Variants in RORA observed in about 807,000 individuals in gnomAD.
RORA encodes the protein RAR related orphan receptor A.
RORA carries 7 observed loss-of-function variants against 69.5 expected under a neutral mutation model. That is an observed-to-expected ratio of 0.10 (90% CI 0.06 to 0.19). The LOEUF (loss-of-function observed/expected upper bound fraction) is 0.19, where lower values mean the gene tolerates loss of function less well. Ranked by LOEUF, RORA falls within the 10% of genes least tolerant of loss-of-function variation. The probability of loss-of-function intolerance (pLI) is 1.00; values close to 1 mark genes in which losing one functional copy is unlikely to be tolerated. For synonymous variants in RORA, 261 were observed against 240.8 expected (o/e 1.08, Z -0.78); for missense variants, 457 against 663.0 (o/e 0.69, Z 3.41).
At chr15:60,836,776 A>G (rs1055080116) in intron 1 of RORA, among the ~76,000 whole-genome samples, 2 of 152,168 alleles carry the variant, frequency 1.3e-5, no homozygotes, top group Admixed American at 6.5e-5. Context: ...GCTCATGTCC[A>G]TTAGTCACTG....
At chr15:61,029,207 A>C (rs1284596290) in intron 1 of RORA, among the ~76,000 whole-genome samples, 1 of 152,148 alleles carries the variant, frequency 6.6e-6, no homozygotes. Context: ...TATCCCAATA[A>C]ATCTATGTGA....
chr15:61,048,251 T>G (rs985650866), intron 1 of RORA, among the ~76,000 whole-genome samples: 1 of 152,228 alleles, frequency 6.6e-6, no homozygotes, highest in Non-Finnish European at 1.5e-5. Flanking sequence ...CCTGTTCTCA[T>G]GCGTAAGCCT....
chr15:60,597,840 G>A (rs1198032829), intron 2 of RORA, among the ~76,000 whole-genome samples: 2 of 150,580 alleles, frequency 1.3e-5, no homozygotes, highest in Admixed American at 6.7e-5. Context: ...CGAACATCCT[G>A]TGACTGCTTT....
At position 61,059,935 on chromosome 15, in the gene RORA, C is replaced by CAAG. The variant is rs71122900; in HGVS notation, c.166+169115_166+169117dup. 2.9e-3 allele frequency among the ~76,000 whole-genome samples: 248 copies of CAAG among 86,680 alleles called. 2 individuals carry two copies. The highest frequency in any genetic ancestry group is 0.01 in the African/African-American group (236 of 23,448). The allele number at this position is 86,680 out of a possible 152,430, so 56.9% of individuals were successfully genotyped here. A position where few individuals can be genotyped will look rare whatever the true frequency, so the allele number is the denominator to read the frequency against. On this transcript the variant is annotated intron_variant, in intron 1 of 10. Coordinates refer to ENST00000335670, the MANE Select transcript of RORA (RefSeq NM_134261.3). ...AGAAGAAGAAGAAGAAGAAGAAGAACAAGAAGAAGAAGAAGAAGAAGAAGA... is the reference window on the plus strand; with the variant it reads ...AGAAGAAGAAGAAGAAGAAGAAGAACAAGAAGAAGAAGAAGAAGAAGAAGAAGA...
chr15:60,525,455 T>C (rs962007379), intron 3 of RORA, among the ~76,000 whole-genome samples: 2 of 152,220 alleles, frequency 1.3e-5, no homozygotes, highest in African/African-American at 4.8e-5. Context: ...ATGAATTGAT[T>C]CCTACAGTTC....
chr15:60,845,928 G>A (rs2073259745), intron 1 of RORA, among the ~76,000 whole-genome samples: 3 of 152,132 alleles, frequency 2.0e-5, no homozygotes, highest in Admixed American at 2.0e-4. Flanking sequence ...TGTATTTTTA[G>A]TAGAGACGGG....
At chr15:60,843,108 G>A (rs77261425) in intron 1 of RORA, among the ~76,000 whole-genome samples, 17 of 152,186 alleles carry the variant, frequency 1.1e-4, no homozygotes, top group East Asian at 3.9e-4. Flanking sequence ...GGGTTCTGCC[G>A]CTCTCCCTCC....
intron 1 of RORA, among the ~76,000 whole-genome samples, chr15:61,023,180 T>A (rs1895624987): frequency 9.9e-6 from 1 of 100,976 alleles, no homozygotes; most frequent in African/African-American, 4.0e-5. Context: ...AGAGTGAGAC[T>A]CTGCCTCAAA....
intron 1 of RORA, among the ~76,000 whole-genome samples, chr15:60,811,223 T>C (rs998858114): frequency 2.0e-5 from 3 of 152,224 alleles, no homozygotes; most frequent in Admixed American, 6.5e-5. Context: ...ATAAAATTGC[T>C]ATTTCAACAG....
intron 1 of RORA, among the ~76,000 whole-genome samples, chr15:60,689,592 A>G (rs1449973701): frequency 6.6e-6 from 1 of 152,206 alleles, no homozygotes; most frequent in South Asian, 2.1e-4. Context: ...TTTGGAAATC[A>G]TATCTTTATA....
At chr15:61,153,135 G>A (rs970766064) in intron 1 of RORA, among the ~76,000 whole-genome samples, 2 of 152,152 alleles carry the variant, frequency 1.3e-5, no homozygotes, top group Non-Finnish European at 2.9e-5. Flanking sequence ...AAGAAGCCCT[G>A]GAGCCTGCAG....
intron 1 of RORA, among the ~76,000 whole-genome samples, chr15:61,031,873 T>C (rs190748667): frequency 1.6e-3 from 246 of 152,322 alleles, no homozygotes; most frequent in African/African-American, 5.5e-3. Context: ...TAGAAGTTCA[T>C]GTGTACTATG....
Position 60,830,451 on chromosome 15 carries a change from T to C in RORA, c.167-151765A>G, listed in dbSNP as rs75976258. ...GAGCATTTTACCACATCATTAAATA[T>C]TCTTTGAAAATGTTACACTTAATCG... On this transcript the variant is annotated intron_variant, in intron 1 of 10. Transcript: ENST00000335670. Among the ~76,000 whole-genome samples, 890 of 152,374 alleles carry C rather than the reference T, an allele frequency of 5.8e-3. 6 individuals carry two copies. The highest frequency in any genetic ancestry group is 9.0e-3 in the Non-Finnish European group (609 of 68,036).
chr15:60,890,887 T>C (rs1567227382), intron 1 of RORA, among the ~76,000 whole-genome samples: 1 of 152,212 alleles, frequency 6.6e-6, no homozygotes, highest in African/African-American at 2.4e-5. Context: ...AAGATATTAA[T>C]GCAGTGCTCT....
chr15:61,064,511 T>C (rs878984187), intron 1 of RORA, among the ~76,000 whole-genome samples: 1 of 151,704 alleles, frequency 6.6e-6, no homozygotes, highest in African/African-American at 2.4e-5. Flanking sequence ...ACCAAGAGAG[T>C]CATCAGGGAG....
At chr15:60,597,435 C>T (rs1188823702) in intron 2 of RORA, among the ~76,000 whole-genome samples, 2 of 145,280 alleles carry the variant, frequency 1.4e-5, no homozygotes, top group Non-Finnish European at 3.0e-5. Context: ...AAACCAAGGC[C>T]AAGAGGGACC....
intron 1 of RORA, among the ~76,000 whole-genome samples, chr15:61,154,550 AC>A (rs1356929658): frequency 5.9e-5 from 9 of 152,314 alleles, no homozygotes; most frequent in Admixed American, 5.9e-4. Flanking sequence ...GATCTACGTG[AC>A]CTGTCATCCA....
At chr15:60,992,815 C>T (rs1450067606) in intron 1 of RORA, among the ~76,000 whole-genome samples, 1 of 152,156 alleles carries the variant, frequency 6.6e-6, no homozygotes, top group East Asian at 1.9e-4. Flanking sequence ...AAGTCTACTT[C>T]GGTCTGGTTT....
intron 1 of RORA, among the ~76,000 whole-genome samples, chr15:61,024,360 T>C (rs1473006159): frequency 2.8e-5 from 4 of 141,416 alleles, no homozygotes; most frequent in Non-Finnish European, 4.5e-5. Context: ...CATAGTTCGG[T>C]GAGGCTTTCA....
Sources: allele counts gnomAD v4.1 joint callset (sites outside exome capture counted in the v4.1 genomes callset), GRCh38; gene constraint gnomAD v4.1.1; transcripts MANE v1.5; gene names NCBI Gene and HGNC (gene_info 2026-07-23, HGNC 2026-07-21).